The following AFAP1L1 variants were observed in gnomAD, a reference collection of about 807,000 sequenced individuals.
AFAP1L1 encodes actin filament-associated protein 1-like 1.
A neutral mutation model predicts 99.8 loss-of-function variants in AFAP1L1; 77 were observed. That is an observed-to-expected ratio of 0.77 (90% CI 0.64 to 0.93). AFAP1L1 has a LOEUF of 0.93. Among genes scored for constraint, AFAP1L1 ranks in the 40% least tolerant of loss-of-function variants. The probability of loss-of-function intolerance (pLI) is 0.00; values close to 1 mark genes in which losing one functional copy is unlikely to be tolerated. For synonymous variants in AFAP1L1, 373 were observed against 395.3 expected, an observed-to-expected ratio of 0.94 and a Z score of 0.67; for missense variants, 893 against 996.8, an observed-to-expected ratio of 0.90 and a Z score of 1.40.
At chr5:149,283,248 G>T (rs1561660051) in intron 1 of AFAP1L1, among the ~76,000 whole-genome samples, 1 of 152,188 alleles carries the variant, frequency 6.6e-6, no homozygotes, top group Non-Finnish European at 1.5e-5. Flanking sequence ...TGGGGAGAAA[G>T]CCTGTCCATT....
At chr5:149,317,686 C>T in intron 11 of AFAP1L1, 43 bp from the exon 12 acceptor site, 1 of 1,605,424 alleles carries the variant, frequency 6.2e-7, no homozygotes, top group Non-Finnish European at 8.5e-7. Flanking sequence ...CCCATGCTGT[C>T]CCAGGGCAGG....
chr5:149,342,356 T>C lies in AFAP1L1; in HGVS notation c.*2326T>C, dbSNP rs1188643703. Among the ~76,000 whole-genome samples, 1 of 152,198 alleles carries C rather than the reference T, an allele frequency of 6.6e-6. No homozygotes were observed. The highest frequency in any genetic ancestry group is 1.5e-5 in the Non-Finnish European group (1 of 68,036). Reference sequence around the variant, plus strand: ...GTCAGGTAACTTGTCCAAGCTCCCATAGTTCTTATATTTACATGCTGGTGG... The same window carrying C: ...GTCAGGTAACTTGTCCAAGCTCCCACAGTTCTTATATTTACATGCTGGTGG... On this transcript the variant is annotated 3_prime_UTR_variant, in exon 19 of 19. Transcript: ENST00000296721.
chr5:149,306,918 G>A (rs746517447), intron 6 of AFAP1L1, among the ~76,000 whole-genome samples: 23 of 152,132 alleles, frequency 1.5e-4, no homozygotes, highest in African/African-American at 4.6e-4. Context: ...AACCAAGATC[G>A]CAAAGCAAGG....
At chr5:149,272,765 C>A (rs1056870022) in intron 1 of AFAP1L1, among the ~76,000 whole-genome samples, 5 of 151,206 alleles carry the variant, frequency 3.3e-5, no homozygotes, top group African/African-American at 1.2e-4. Flanking sequence ...TGAAGTGGCG[C>A]GATCTTGGCT....
rs774447607 is a variant in AFAP1L1, at chr5:149,319,678, G to C, written c.1576G>C (p.Asp526His). Residue 526 changes from aspartate to histidine, a missense_variant, in exon 13 of 19, where the codon GAT becomes CAT. Coordinates refer to ENST00000296721, the MANE Select transcript of AFAP1L1 (RefSeq NM_152406.4). ...GGAGGCGCTGCACTATGACTACGTGGATGTGGAGACCTTAACCAGCATCGT... is the reference window on the plus strand; with the variant it reads ...GGAGGCGCTGCACTATGACTACGTGCATGTGGAGACCTTAACCAGCATCGT... Reference protein sequence around the residue: ...TPEALHYDYVDVETLTSIVSA... With the variant: ...TPEALHYDYVHVETLTSIVSA... 6.2e-7 allele frequency: 1 copy of C among 1,612,580 alleles called. No individual in the cohort carries two copies. The highest frequency in any genetic ancestry group is 8.5e-7 in the Non-Finnish European group (1 of 1,180,018).
At chr5:149,304,247 A>C (rs1027673394) in intron 5 of AFAP1L1, 2 of 152,198 alleles carry the variant, frequency 1.3e-5, no homozygotes, top group Admixed American at 6.5e-5. Context: ...CGGATAGACC[A>C]CATTGTGCTT....
chr5:149,329,075 TC>T (rs1437951556), intron 15 of AFAP1L1, among the ~76,000 whole-genome samples: 2 of 152,156 alleles, frequency 1.3e-5, no homozygotes, highest in Non-Finnish European at 2.9e-5. Context: ...TGGAACAGTC[TC>T]CTTGACTTAT....
intron 1 of AFAP1L1, among the ~76,000 whole-genome samples, chr5:149,280,403 C>G (rs1423661759): frequency 6.6e-6 from 1 of 152,164 alleles, no homozygotes; most frequent in Non-Finnish European, 1.5e-5. Flanking sequence ...TCAGAATCAC[C>G]CCCTGTGGAG....
chr5:149,277,146 T>C (rs1755359396), intron 1 of AFAP1L1, among the ~76,000 whole-genome samples: 1 of 152,236 alleles, frequency 6.6e-6, no homozygotes, highest in East Asian at 1.9e-4. Context: ...GAGTGATTTA[T>C]TTCCCTCAAG....
Position 149,329,820 on chromosome 5 carries a change from G to C in AFAP1L1, c.1965G>C (p.Arg655=), listed in dbSNP as rs558269752. 5.6e-6 allele frequency: 9 copies of C among 1,610,038 alleles called. No individual in the cohort carries two copies. In the South Asian group the frequency reaches 1.0e-4, roughly 18 times the overall value. ...AGAGGGAACTGAAGGAAGCCATTCG[G>C]AGCAGCCCAGGTACCTATGTGGGTG... ...QEKRELKEAI[R]SSPGAKLKAL... is the part of the protein sequence containing the mutation. The change falls in exon 16 of 19, where the codon CGG becomes CGC. Residue 655 remains arginine, a synonymous_variant. Transcript: ENST00000296721.
At chr5:149,332,968 G>GT (rs1310591743) in intron 17 of AFAP1L1, 95 bp downstream of exon 17, 2 of 1,407,080 alleles carry the variant, frequency 1.4e-6, no homozygotes, top group African/African-American at 2.9e-5. Context: ...GGAGGTAGGG[G>GT]TTATGCCCAC....
intron 2 of AFAP1L1, 148 bp from the exon 3 acceptor site, chr5:149,300,123 A>C: frequency 1.7e-6 from 1 of 595,690 alleles, no homozygotes; most frequent in Non-Finnish European, 3.0e-6. Context: ...AACTAAAACA[A>C]AGTTTGAAAA....
At chr5:149,322,780 G>C in intron 15 of AFAP1L1, 63 bp downstream of exon 15, 1 of 1,366,720 alleles carries the variant, frequency 7.3e-7, no homozygotes, top group Non-Finnish European at 1.0e-6. Context: ...GTCTATAGGA[G>C]GGATCTCAAA....
intron 9 of AFAP1L1, among the ~76,000 whole-genome samples, chr5:149,314,019 C>T (rs1319274752): frequency 2.0e-5 from 3 of 152,120 alleles, no homozygotes; most frequent in Non-Finnish European, 2.9e-5. Context: ...CAGGGGCCCA[C>T]GCTGGCTGGA....
chr5:149,332,914 T>C (rs1293250941), intron 17 of AFAP1L1, 41 bp downstream of exon 17: 6 of 1,512,066 alleles, frequency 4.0e-6, no homozygotes, highest in South Asian at 1.3e-5. Context: ...GCTACTCCTA[T>C]GTCCCTCCAC....
chr5:149,320,520 T>G lies in AFAP1L1; in HGVS notation c.1698+57T>G. ...GCAAAGGCCACTTATTAGCTCTCCCTCTTTCTGCTCCCTTTACCTTCTGCC... is the reference window on the plus strand; with the variant it reads ...GCAAAGGCCACTTATTAGCTCTCCCGCTTTCTGCTCCCTTTACCTTCTGCC... On this transcript the variant is annotated intron_variant, in intron 14 of 18. Coordinates refer to ENST00000296721, the MANE Select transcript of AFAP1L1 (RefSeq NM_152406.4). The surrounding 1 kb of genome is among the most constrained non-coding windows in gnomAD (Gnocchi z 4.0). 6.8e-7 allele frequency: 1 copy of G among 1,480,512 alleles called. No homozygotes were observed. The highest frequency in any genetic ancestry group is 9.4e-7 in the Non-Finnish European group (1 of 1,060,094). 91.7% of individuals were successfully genotyped at this position (1,480,512 alleles called of 1,614,324 possible). A position where few individuals can be genotyped will look rare whatever the true frequency, so the allele number is the denominator to read the frequency against.
chr5:149,314,782 G>A (rs1398666282), intron 9 of AFAP1L1, among the ~76,000 whole-genome samples: 1 of 152,214 alleles, frequency 6.6e-6, no homozygotes, highest in Non-Finnish European at 1.5e-5. Context: ...CCTGGTTTGA[G>A]AGGATCTTGG....
At chr5:149,284,130 G>A (rs909617020) in intron 1 of AFAP1L1, among the ~76,000 whole-genome samples, 12 of 152,222 alleles carry the variant, frequency 7.9e-5, no homozygotes, top group East Asian at 1.9e-4. Flanking sequence ...AAAGCAAAGC[G>A]GGGCAGCATG....
chr5:149,296,579 G>GT lies in AFAP1L1; in HGVS notation c.17-2927dup, dbSNP rs532830301. Among the ~76,000 whole-genome samples, 70 of 152,314 alleles carry GT rather than the reference G, an allele frequency of 4.6e-4. No homozygotes were observed. In the South Asian group the frequency reaches 9.1e-3, roughly 20 times the overall value. ...TAATTACCTATGAGGGAATACGCAT[G>GT]TTTGTGTGTATGAGACAGAGAGAGA... On this transcript the variant is annotated intron_variant, in intron 1 of 18. Transcript: ENST00000296721.
Sources: allele counts gnomAD v4.1 joint callset (sites outside exome capture counted in the v4.1 genomes callset), GRCh38; gene constraint gnomAD v4.1.1; non-coding constraint Gnocchi (gnomAD v3.1); transcripts MANE v1.5; gene names NCBI Gene and HGNC (gene_info 2026-07-23, HGNC 2026-07-21).